The following PTPRT variants were observed in gnomAD, a reference collection of about 807,000 sequenced individuals.
PTPRT encodes the protein protein tyrosine phosphatase receptor type T.
In PTPRT, 56 loss-of-function variants were observed where a neutral mutation model predicts 176.8. The observed-to-expected ratio is 0.32, with a 90% CI of 0.26 to 0.40. PTPRT has a LOEUF of 0.40. PTPRT is among the 10% of genes least tolerant of loss of function. The pLI is 1.00. For missense variants in PTPRT, 1,540 were observed against 1,908.2 expected, an observed-to-expected ratio of 0.81 and a Z score of 3.60; for synonymous variants, 783 against 739.0, an observed-to-expected ratio of 1.06 and a Z score of -0.96.
chr20:43,007,870 A>G (rs955548001), intron 1 of PTPRT, among the ~76,000 whole-genome samples: 1 of 152,130 alleles, frequency 6.6e-6, no homozygotes, highest in African/African-American at 2.4e-5. Context: ...CCAAGTTATA[A>G]CCTCTCTTTG....
At chr20:42,848,666 G>A (rs1348156266) in intron 2 of PTPRT, among the ~76,000 whole-genome samples, 3 of 151,798 alleles carry the variant, frequency 2.0e-5, no homozygotes, top group Non-Finnish European at 4.4e-5. Context: ...ACTTTTTGTT[G>A]GGATTTTTTT....
chr20:43,118,412 C>T (rs1022338511), intron 1 of PTPRT, among the ~76,000 whole-genome samples: 9 of 152,158 alleles, frequency 5.9e-5, no homozygotes, highest in East Asian at 1.9e-4. Context: ...TAATCCTCCT[C>T]ACGGGTCGAT....
intron 7 of PTPRT, among the ~76,000 whole-genome samples, chr20:42,580,388 C>T (rs1220370406): frequency 6.6e-6 from 1 of 152,012 alleles, no homozygotes; most frequent in Non-Finnish European, 1.5e-5. Context: ...GTGATGCGGG[C>T]TCTTTTTTGG....
chr20:42,065,453 G>A, the PTPRT span, among the ~76,000 whole-genome samples: 3 of 152,172 alleles, frequency 2.0e-5, no homozygotes, highest in Non-Finnish European at 4.4e-5. Flanking sequence ...AAGCTTAGTG[G>A]CTAAGAACCA....
At chr20:42,757,519 A>G (rs6065531) in intron 5 of PTPRT, among the ~76,000 whole-genome samples, 35,084 of 151,926 alleles carry the variant, frequency 0.23, 4,985 homozygotes, top group African/African-American at 0.4. Context: ...CCCTGGGGAC[A>G]CTCCGTCTTC....
At chr20:42,355,754 TC>T (rs1886425700) in intron 9 of PTPRT, among the ~76,000 whole-genome samples, 1 of 152,122 alleles carries the variant, frequency 6.6e-6, no homozygotes, top group African/African-American at 2.4e-5. Flanking sequence ...GAAAATTCTG[TC>T]CCCGTCCCCC....
chr20:42,098,331 G>C, intron 27 of PTPRT, 90 bp downstream of exon 27: 1 of 1,538,422 alleles, frequency 6.5e-7, no homozygotes, highest in Non-Finnish European at 8.8e-7. Flanking sequence ...TGGGGCAGAT[G>C]TGGCAGGCAC....
At chr20:42,761,276 A>T (rs2076911779) in intron 5 of PTPRT, among the ~76,000 whole-genome samples, 1 of 151,630 alleles carries the variant, frequency 6.6e-6, no homozygotes, top group Non-Finnish European at 1.5e-5. Flanking sequence ...CTCTACTAAA[A>T]ATACAAAATT....
At chr20:42,485,579 C>T (rs6093656) in intron 7 of PTPRT, among the ~76,000 whole-genome samples, 19,309 of 152,142 alleles carry the variant, frequency 0.13, 1,298 homozygotes, top group East Asian at 0.21. Flanking sequence ...TGATCGCCTC[C>T]CTTCTAGAAG....
intron 1 of PTPRT, among the ~76,000 whole-genome samples, chr20:43,172,276 C>T (rs1367349404): frequency 6.6e-6 from 1 of 152,230 alleles, no homozygotes; most frequent in African/African-American, 2.4e-5. Flanking sequence ...TGACAAACAG[C>T]TCTTCTATTT....
intron 7 of PTPRT, among the ~76,000 whole-genome samples, chr20:42,548,367 T>C (rs923453997): frequency 6.6e-6 from 1 of 152,004 alleles, no homozygotes; most frequent in Non-Finnish European, 1.5e-5. Flanking sequence ...AATGAAAATA[T>C]AAAAATATAT....
chr20:42,584,130 G>A (rs919932515), intron 7 of PTPRT, among the ~76,000 whole-genome samples: 1 of 152,166 alleles, frequency 6.6e-6, no homozygotes, highest in Admixed American at 6.5e-5. Flanking sequence ...GTCTTCTGAT[G>A]CTACATGGAG....
At chr20:42,154,889 G>A (rs1989286585) in intron 17 of PTPRT, among the ~76,000 whole-genome samples, 1 of 152,162 alleles carries the variant, frequency 6.6e-6, no homozygotes, top group South Asian at 2.1e-4. Flanking sequence ...GAGGAGGGAG[G>A]ATGCTGTGGT....
intron 11 of PTPRT, among the ~76,000 whole-genome samples, chr20:42,345,622 A>C (rs62208736): frequency 7.0e-6 from 1 of 143,534 alleles, no homozygotes; most frequent in Non-Finnish European, 1.5e-5. Flanking sequence ...GTGTGTGTAT[A>C]TATATGTATG....
intron 1 of PTPRT, among the ~76,000 whole-genome samples, chr20:42,908,160 G>A (rs922804462): frequency 7.2e-5 from 11 of 151,988 alleles, no homozygotes; most frequent in East Asian, 1.9e-4. Context: ...GCAAGAGAAC[G>A]GGGGATAAGC....
intron 8 of PTPRT, among the ~76,000 whole-genome samples, chr20:42,464,761 G>C (rs894682972): frequency 6.6e-6 from 1 of 152,050 alleles, no homozygotes; most frequent in Non-Finnish European, 1.5e-5. Flanking sequence ...TTGCCTTGTT[G>C]TTATTGCTTT....
At chr20:42,732,829 T>A (rs1368393515) in intron 6 of PTPRT, among the ~76,000 whole-genome samples, 1 of 152,208 alleles carries the variant, frequency 6.6e-6, no homozygotes, top group East Asian at 1.9e-4. Flanking sequence ...AATGTACTGA[T>A]TTTTAAAATT....
chr20:42,559,356 T>C (rs1184137131), intron 7 of PTPRT, among the ~76,000 whole-genome samples: 1 of 152,154 alleles, frequency 6.6e-6, no homozygotes, highest in African/African-American at 2.4e-5. Context: ...TGGGGGAAGC[T>C]TCTCGTCTTA....
intron 7 of PTPRT, among the ~76,000 whole-genome samples, chr20:42,544,845 G>A (rs190482684): frequency 2.6e-5 from 4 of 152,248 alleles, no homozygotes; most frequent in Admixed American, 1.3e-4. Context: ...AGAGAGACAA[G>A]GTCTCATTAT....
Sources: gnomAD v4.1 joint callset for allele counts (sites outside exome capture counted in the v4.1 genomes callset) on GRCh38, gnomAD v4.1.1 for gene constraint, MANE v1.5 for transcripts, NCBI Gene and HGNC (gene_info 2026-07-23, HGNC 2026-07-21) for gene names.